Variants in CDC14A observed in about 807,000 individuals in gnomAD.
CDC14A encodes the protein dual specificity protein phosphatase CDC14A.
In CDC14A, 53 loss-of-function variants were observed where a neutral mutation model predicts 74.4. That is an observed-to-expected ratio of 0.71 (90% CI 0.57 to 0.89). The LOEUF is 0.89. Ranked by LOEUF, CDC14A falls within the 40% of genes least tolerant of loss-of-function variation. The pLI, the probability that CDC14A is intolerant of heterozygous loss-of-function variation, is 0.00. For missense variants in CDC14A, 646 were observed against 713.7 expected, an observed-to-expected ratio of 0.91 and a Z score of 1.08; for synonymous variants, 247 against 258.4, an observed-to-expected ratio of 0.96 and a Z score of 0.43.
intron 4 of CDC14A, among the ~76,000 whole-genome samples, chr1:100,402,185 T>C (rs780477907): frequency 5.3e-5 from 8 of 151,992 alleles, no homozygotes; most frequent in African/African-American, 9.7e-5. Context: ...CTGAAGACAT[T>C]ATCCATTATC....
chr1:100,348,945 A>C (rs1444601261), upstream of CDC14A, among the ~76,000 whole-genome samples: 2 of 152,208 alleles, frequency 1.3e-5, no homozygotes, highest in African/African-American at 2.4e-5. Flanking sequence ...CTGTAATTCC[A>C]GCACTTTGGG....
At chr1:100,484,557 G>T in intron 11 of CDC14A, 106 bp downstream of exon 11, 1 of 1,343,466 alleles carries the variant, frequency 7.4e-7, no homozygotes. Flanking sequence ...GATGCCACGA[G>T]TACCAAGTTT....
chr1:100,370,900 A>G (rs181055567), intron 2 of CDC14A, among the ~76,000 whole-genome samples: 1 of 152,316 alleles, frequency 6.6e-6, no homozygotes, highest in East Asian at 1.9e-4. Context: ...GCTTTGGGCA[A>G]TATAGTGATT....
intron 15 of CDC14A, among the ~76,000 whole-genome samples, chr1:100,507,674 C>A (rs1227356264): frequency 6.6e-6 from 1 of 151,678 alleles, no homozygotes; most frequent in African/African-American, 2.4e-5. Context: ...AATAGCCCCA[C>A]AATTTTTTTT....
chr1:100,390,717 A>AG lies in CDC14A; in HGVS notation c.217-15_217-14insG, dbSNP rs762571830. On this transcript the variant is annotated splice_polypyrimidine_tract_variant and intron_variant, in intron 3 of 15. Coordinates refer to ENST00000336454, the MANE Select transcript of CDC14A (RefSeq NM_003672.4). ...CTCTATGGTTACACTAACTCTTTTT[A>AG]TCTCCTCTTTCTAGTCATACAGTTT... 1 of 1,542,018 alleles carries AG rather than the reference A, an allele frequency of 6.5e-7. No individual in the cohort carries two copies. The highest frequency in any genetic ancestry group is 1.1e-5 in the South Asian group (1 of 89,578).
At chr1:100,386,194 C>T (rs1474668503) in intron 3 of CDC14A, among the ~76,000 whole-genome samples, 1 of 151,682 alleles carries the variant, frequency 6.6e-6, no homozygotes, top group Non-Finnish European at 1.5e-5. Context: ...AGTATTTGTT[C>T]CAGTTTCAAG....
In CDC14A at chr1:100,462,806, C is replaced by A. The variant is rs1313147050; in HGVS notation, c.763C>A (p.Pro255Thr). The A allele has an allele frequency of 4.3e-6, 7 of 1,613,994 alleles. No individual in the cohort carries two copies. The highest frequency in any genetic ancestry group is 5.9e-6 in the Non-Finnish European group (7 of 1,180,004). ...YDLFFIDGST[P>T]SDNIVRRFLN... Reference sequence around the variant, plus strand: ...CCTCTTCTTCATAGATGGCAGCACACCCAGTGACAACATCGTGCGAAGGTT... The same window carrying A: ...CCTCTTCTTCATAGATGGCAGCACAACCAGTGACAACATCGTGCGAAGGTT... The change falls in exon 9 of 16, where the codon CCC becomes ACC. Residue 255 changes from proline (P) to threonine (T), a missense_variant. Physicochemically the swap from Pro to Thr is conservative, Grantham distance 38 (BLOSUM62 -1). Coordinates refer to ENST00000336454, the MANE Select transcript of CDC14A (RefSeq NM_003672.4).
At chr1:100,451,314 A>T (rs962189701) in intron 7 of CDC14A, among the ~76,000 whole-genome samples, 1 of 152,066 alleles carries the variant, frequency 6.6e-6, no homozygotes, top group African/African-American at 2.4e-5. Context: ...ATGTTTTCCA[A>T]CCCCACTGTC....
At chr1:100,450,194 T>A (rs995076299) in intron 7 of CDC14A, among the ~76,000 whole-genome samples, 2 of 152,208 alleles carry the variant, frequency 1.3e-5, no homozygotes, top group African/African-American at 4.8e-5. Flanking sequence ...TGTAGAGTCC[T>A]AACAATTGCT....
At chr1:100,412,713 T>A (rs1169451999) in intron 4 of CDC14A, among the ~76,000 whole-genome samples, 30 of 102,214 alleles carry the variant, frequency 2.9e-4, no homozygotes, top group East Asian at 2.3e-4. Flanking sequence ...TATATATATA[T>A]ATATATATAT....
upstream of CDC14A, chr1:100,351,603 G>A (rs1044837714): frequency 3.1e-6 from 2 of 653,448 alleles, no homozygotes; most frequent in Non-Finnish European, 2.7e-6. Context: ...TGGACCAGTG[G>A]ACTCTCCTCT....
intron 10 of CDC14A, among the ~76,000 whole-genome samples, chr1:100,473,543 C>A (rs190824858): frequency 2.2e-3 from 334 of 152,036 alleles, no homozygotes; most frequent in Non-Finnish European, 3.8e-3. Flanking sequence ...TGTGCCACCA[C>A]GCCCGGCTAA....
chr1:100,384,493 G>A (rs747119864), intron 3 of CDC14A, among the ~76,000 whole-genome samples: 7 of 152,018 alleles, frequency 4.6e-5, no homozygotes, highest in Non-Finnish European at 1.0e-4. Context: ...AATAAGCCTT[G>A]GCCAATATTT....
chr1:100,446,292 G>A (rs932738598), intron 7 of CDC14A, among the ~76,000 whole-genome samples: 2 of 152,108 alleles, frequency 1.3e-5, no homozygotes, highest in Non-Finnish European at 2.9e-5. Flanking sequence ...CCCCAAAAAA[G>A]CCTAAAACAA....
At chr1:100,395,426 T>A (rs931628067) in intron 4 of CDC14A, among the ~76,000 whole-genome samples, 7 of 152,210 alleles carry the variant, frequency 4.6e-5, no homozygotes, top group Non-Finnish European at 7.3e-5. Context: ...AAAAGAGTAG[T>A]CATTTTGATT....
chr1:100,351,614 C>T (rs28361188), upstream of CDC14A: 9,889 of 701,658 alleles, frequency 0.014, 112 homozygotes, highest in Middle Eastern at 0.023. Context: ...ACTCTCCTCT[C>T]TCTCCTGTTC....
At chr1:100,503,162 A>G (rs563835520) in intron 15 of CDC14A, among the ~76,000 whole-genome samples, 15 of 152,302 alleles carry the variant, frequency 9.8e-5, no homozygotes, top group African/African-American at 3.1e-4. Context: ...GTGGAATAAG[A>G]TAGGAGATTA....
At chr1:100,429,015 A>G (rs1322689476) in intron 5 of CDC14A, among the ~76,000 whole-genome samples, 2 of 151,994 alleles carry the variant, frequency 1.3e-5, no homozygotes, top group Non-Finnish European at 2.9e-5. Context: ...AGCCTGGCCA[A>G]CAAAGTGAAA....
At chr1:100,429,052 A>G (rs1208846850) in intron 5 of CDC14A, among the ~76,000 whole-genome samples, 1 of 151,900 alleles carries the variant, frequency 6.6e-6, no homozygotes, top group Non-Finnish European at 1.5e-5. Flanking sequence ...AATACAAAAA[A>G]AAGTAGCCAG....
Sources: allele counts gnomAD v4.1 joint callset (sites outside exome capture counted in the v4.1 genomes callset), GRCh38; gene constraint gnomAD v4.1.1; transcripts MANE v1.5; gene names NCBI Gene and HGNC (gene_info 2026-07-23, HGNC 2026-07-21).